The following CACHD1 variants were observed in gnomAD, a reference collection of about 807,000 sequenced individuals.
CACHD1 encodes the protein VWFA and cache domain-containing protein 1.
A neutral mutation model predicts 138.7 loss-of-function variants in CACHD1; 71 were observed. The ratio of observed to expected loss-of-function variants is 0.51; its 90% CI spans 0.42 to 0.62. The LOEUF (loss-of-function observed/expected upper bound fraction) is 0.62. Ranked by LOEUF, CACHD1 falls within the 20% of genes least tolerant of loss-of-function variation. The pLI, the probability that CACHD1 is intolerant of heterozygous loss-of-function variation, is 0.00. For synonymous variants in CACHD1, 578 were observed against 591.5 expected (o/e 0.98, Z 0.33); for missense variants, 1,389 against 1,625.3 (o/e 0.85, Z 2.50).
chr1:64,486,363 C>T (rs1570297079), intron 1 of CACHD1, among the ~76,000 whole-genome samples: 1 of 91,054 alleles, frequency 1.1e-5, no homozygotes, highest in East Asian at 4.2e-4. Flanking sequence ...CACACACACA[C>T]ACACATACAC....
At chr1:64,478,174 C>T (rs1242644684) in intron 1 of CACHD1, among the ~76,000 whole-genome samples, 1 of 152,110 alleles carries the variant, frequency 6.6e-6, no homozygotes. Flanking sequence ...TAGATTTTTA[C>T]AAATTAGTTA....
intron 12 of CACHD1, among the ~76,000 whole-genome samples, chr1:64,657,268 T>A (rs540140180): frequency 6.6e-6 from 1 of 152,322 alleles, no homozygotes; most frequent in East Asian, 1.9e-4. Context: ...GAGTTCCTTT[T>A]AATGTAGAGA....
At chr1:64,534,672 G>C (rs2100412234) in intron 1 of CACHD1, among the ~76,000 whole-genome samples, 1 of 152,340 alleles carries the variant, frequency 6.6e-6, no homozygotes, top group South Asian at 2.1e-4. Context: ...GACTGTCTTA[G>C]TGCTGCATCT....
At chr1:64,680,466 CGAAA>C (rs1407568444) in intron 24 of CACHD1, among the ~76,000 whole-genome samples, 6 of 150,962 alleles carry the variant, frequency 4.0e-5, no homozygotes, top group Non-Finnish European at 8.8e-5. Context: ...CCATTCTGGG[CGAAA>C]GAGTGAGACT....
chr1:64,567,493 A>G lies in CACHD1; in HGVS notation c.262-14663A>G, dbSNP rs572944494. Among the ~76,000 whole-genome samples the G allele has an allele frequency of 1.4e-4, 21 of 152,316 alleles. No individual in the cohort carries two copies. The South Asian group carries it at 3.9e-3, about 29-fold the overall frequency. On this transcript the variant is annotated intron_variant, in intron 2 of 26. Transcript: ENST00000651257. ...ATTCATTTAACAAACACTGCTTCAC[A>G]TAAGTCATCCCATTAAATTTGTGCC...
At position 64,681,238 on chromosome 1, in the gene CACHD1, C is replaced by A; in HGVS notation, c.3407-20C>A. On this transcript the variant is annotated intron_variant, in intron 24 of 26. Transcript: ENST00000651257. ...TGTTTGATTAAATAGTCATGTTTCT[C>A]TCTTTTTAATGATGGGTAGAAATGT... 6.3e-7 allele frequency: 1 copy of A among 1,596,862 alleles called. No individual in the cohort carries two copies. The highest frequency in any genetic ancestry group is 8.6e-7 in the Non-Finnish European group (1 of 1,164,510).
At chr1:64,526,803 C>A (rs958396311) in intron 1 of CACHD1, among the ~76,000 whole-genome samples, 2 of 152,248 alleles carry the variant, frequency 1.3e-5, no homozygotes, top group Non-Finnish European at 2.9e-5. Flanking sequence ...TCCTTTCCTT[C>A]TTTCCTCTTC....
chr1:64,541,452 G>T (rs1377691512), intron 1 of CACHD1, among the ~76,000 whole-genome samples: 11 of 152,096 alleles, frequency 7.2e-5, no homozygotes, highest in African/African-American at 2.7e-4. Flanking sequence ...TTGTAGCATA[G>T]ACAGTCTTTG....
At chr1:64,488,414 G>A (rs1415811277) in intron 1 of CACHD1, among the ~76,000 whole-genome samples, 3 of 152,076 alleles carry the variant, frequency 2.0e-5, no homozygotes, top group East Asian at 3.8e-4. Flanking sequence ...TTTTCATTTA[G>A]TGTTTTTTGC....
intron 18 of CACHD1, 32 bp from the exon 19 acceptor site, chr1:64,673,316 C>T: frequency 1.9e-6 from 3 of 1,611,770 alleles, no homozygotes; most frequent in East Asian, 2.2e-5. Context: ...CACTACATGG[C>T]ATATGTCTTC....
chr1:64,604,789 A>G (rs1647287074), intron 4 of CACHD1, among the ~76,000 whole-genome samples: 1 of 151,414 alleles, frequency 6.6e-6, no homozygotes, highest in Admixed American at 6.6e-5. Context: ...AGTAGCTGGG[A>G]TTATAGGTGC....
At chr1:64,656,609 A>G (rs1444928305) in intron 12 of CACHD1, among the ~76,000 whole-genome samples, 1 of 152,134 alleles carries the variant, frequency 6.6e-6, no homozygotes. Flanking sequence ...AAGAGCCTCA[A>G]TGTTAGTGGG....
chr1:64,681,357 T>C (rs374603977), intron 25 of CACHD1, 22 bp downstream of exon 25: 1 of 1,571,144 alleles, frequency 6.4e-7, no homozygotes, highest in Non-Finnish European at 8.8e-7. Flanking sequence ...GCTGCCTTGC[T>C]GCAGAATGTG....
chr1:64,598,842 G>C (rs1647184644), intron 3 of CACHD1, among the ~76,000 whole-genome samples: 1 of 150,768 alleles, frequency 6.6e-6, no homozygotes, highest in African/African-American at 2.4e-5. Context: ...TGCCTTCTCT[G>C]TCCCAAATTT....
intron 4 of CACHD1, among the ~76,000 whole-genome samples, chr1:64,604,618 A>G (rs1476610561): frequency 6.6e-6 from 1 of 152,222 alleles, no homozygotes; most frequent in Non-Finnish European, 1.5e-5. Context: ...CATTGTATGT[A>G]GTTAAATTTT....
chr1:64,527,192 T>C (rs548139969), intron 1 of CACHD1, among the ~76,000 whole-genome samples: 140 of 152,318 alleles, frequency 9.2e-4, no homozygotes, highest in Non-Finnish European at 1.4e-3. Flanking sequence ...ACAGGGACAG[T>C]TGCAGATCCC....
At chr1:64,535,512 G>A (rs1415983189) in intron 1 of CACHD1, among the ~76,000 whole-genome samples, 1 of 151,770 alleles carries the variant, frequency 6.6e-6, no homozygotes, top group Non-Finnish European at 1.5e-5. Flanking sequence ...TTTAGTAGAG[G>A]CAGAGTTTCA....
chr1:64,513,950 C>G (rs1262084545), intron 1 of CACHD1, among the ~76,000 whole-genome samples: 1 of 152,180 alleles, frequency 6.6e-6, no homozygotes, highest in East Asian at 1.9e-4. Flanking sequence ...AACACCTATG[C>G]AGGTTAAATT....
At chr1:64,480,801 T>C (rs1164168972) in intron 1 of CACHD1, among the ~76,000 whole-genome samples, 3 of 152,036 alleles carry the variant, frequency 2.0e-5, no homozygotes, top group Admixed American at 6.6e-5. Context: ...CAGGTAAAGT[T>C]CTATTTTGAA....
Sources: allele counts gnomAD v4.1 joint callset (sites outside exome capture counted in the v4.1 genomes callset), GRCh38; gene constraint gnomAD v4.1.1; transcripts MANE v1.5; gene names NCBI Gene and HGNC (gene_info 2026-07-23, HGNC 2026-07-21).